Variants in RAB38 observed in about 807,000 individuals in gnomAD.
RAB38 encodes RAB38, member RAS oncogene family.
In RAB38, 15 loss-of-function variants were observed where a neutral mutation model predicts 18.4. That is an observed-to-expected ratio of 0.82 (90% CI 0.55 to 1.26). The LOEUF (loss-of-function observed/expected upper bound fraction) is 1.26. Among genes scored for constraint, RAB38 ranks in the 50% most tolerant of loss-of-function variants. RAB38 has a pLI of 0.00. For synonymous variants in RAB38, 101 were observed against 104.4 expected, an observed-to-expected ratio of 0.97 and a Z score of 0.20; for missense variants, 294 against 267.4, an observed-to-expected ratio of 1.10 and a Z score of -0.69.
At chr11:88,145,152 T>C (rs1942966400) in intron 2 of RAB38, among the ~76,000 whole-genome samples, 4 of 152,004 alleles carry the variant, frequency 2.6e-5, no homozygotes, top group Admixed American at 2.6e-4. Flanking sequence ...ATCTCTCTTT[T>C]TTTTTTTGTG....
the RAB38 span, among the ~76,000 whole-genome samples, chr11:87,970,963 G>C: frequency 6.6e-6 from 1 of 152,050 alleles, no homozygotes; most frequent in Non-Finnish European, 1.5e-5. Context: ...TCACTCTAGA[G>C]CTCTGGGATT....
intron 1 of RAB38, among the ~76,000 whole-genome samples, chr11:88,170,764 A>G (rs560587842): frequency 6.6e-6 from 1 of 152,336 alleles, no homozygotes; most frequent in Non-Finnish European, 1.5e-5. Flanking sequence ...TTTGTTATTT[A>G]GCAGAGCTCT....
At chr11:87,948,254 A>G in the RAB38 span, among the ~76,000 whole-genome samples, 1 of 152,192 alleles carries the variant, frequency 6.6e-6, no homozygotes, top group Admixed American at 6.5e-5. Context: ...TTGTATCCTG[A>G]GACTTTGCTG....
the RAB38 span, among the ~76,000 whole-genome samples, chr11:87,847,973 A>G: frequency 2.6e-5 from 4 of 152,128 alleles, no homozygotes; most frequent in Admixed American, 6.6e-5. Flanking sequence ...ATAACTTTCC[A>G]AACATCAAGG....
the RAB38 span, among the ~76,000 whole-genome samples, chr11:87,807,549 C>A: frequency 2.0e-5 from 3 of 152,078 alleles, no homozygotes. Flanking sequence ...ACCATGCTGA[C>A]TATTTTAACA....
the RAB38 span, among the ~76,000 whole-genome samples, chr11:87,947,087 C>T: frequency 2.0e-5 from 3 of 152,130 alleles, no homozygotes; most frequent in Non-Finnish European, 1.5e-5. Flanking sequence ...GCCATTCTAA[C>T]TGGTGTGAGA....
chr11:87,969,188 G>A, the RAB38 span, among the ~76,000 whole-genome samples: 2 of 152,006 alleles, frequency 1.3e-5, no homozygotes, highest in African/African-American at 4.8e-5. Flanking sequence ...AAATTATGAT[G>A]TAAGGGCCTT....
chr11:87,920,521 T>G, the RAB38 span, among the ~76,000 whole-genome samples: 1 of 152,118 alleles, frequency 6.6e-6, no homozygotes, highest in Non-Finnish European at 1.5e-5. Flanking sequence ...GATTTCAATC[T>G]TCTTCAATTT....
chr11:87,905,465 T>G, the RAB38 span, among the ~76,000 whole-genome samples: 16 of 151,886 alleles, frequency 1.1e-4, no homozygotes, highest in Non-Finnish European at 2.9e-5. Context: ...TTCCTCTTAT[T>G]TAAAGAAGAT....
chr11:87,897,996 T>C, the RAB38 span, among the ~76,000 whole-genome samples: 1 of 151,584 alleles, frequency 6.6e-6, no homozygotes, highest in African/African-American at 2.4e-5. Flanking sequence ...TCTATAAATA[T>C]CTATTTTTCA....
intron 1 of RAB38, among the ~76,000 whole-genome samples, chr11:88,169,434 C>G (rs1943282773): frequency 6.6e-6 from 1 of 152,138 alleles, no homozygotes; most frequent in Admixed American, 6.6e-5. Context: ...TTCACACAAA[C>G]TTTGTTATGC....
At chr11:88,161,885 T>A (rs1402889443) in intron 1 of RAB38, among the ~76,000 whole-genome samples, 1 of 152,048 alleles carries the variant, frequency 6.6e-6, no homozygotes, top group South Asian at 2.1e-4. Flanking sequence ...TGTGTTGGGG[T>A]CACAGAACCA....
At chr11:88,084,324 TAA>T in the RAB38 span, among the ~76,000 whole-genome samples, 1 of 150,754 alleles carries the variant, frequency 6.6e-6, no homozygotes, top group Non-Finnish European at 1.5e-5. Context: ...AAAAAAAAAG[TAA>T]AGTTATGAGG....
the RAB38 span, among the ~76,000 whole-genome samples, chr11:87,955,653 T>TTATATCTATCAATCA: frequency 6.6e-6 from 1 of 151,726 alleles, no homozygotes; most frequent in Non-Finnish European, 1.5e-5. Context: ...CATTTAGCTC[T>TTATATCTATCAATCA]TATATCTATC....
the RAB38 span, among the ~76,000 whole-genome samples, chr11:88,027,979 C>A: frequency 6.6e-6 from 1 of 152,224 alleles, no homozygotes; most frequent in Non-Finnish European, 1.5e-5. Flanking sequence ...AGGCACCCCC[C>A]AGCAGGGGCA....
chr11:87,965,870 A>C, the RAB38 span, among the ~76,000 whole-genome samples: 200 of 152,318 alleles, frequency 1.3e-3, no homozygotes, highest in Admixed American at 4.1e-3. Context: ...AGTTTAAGGC[A>C]GCTTTGACCT....
At chr11:88,124,301 G>T (rs1942665592) in intron 2 of RAB38, among the ~76,000 whole-genome samples, 1 of 152,152 alleles carries the variant, frequency 6.6e-6, no homozygotes, top group African/African-American at 2.4e-5. Flanking sequence ...AAGAGCTTCT[G>T]CACAGCAAAA....
intron 1 of RAB38, chr11:88,173,499 C>T: frequency 1.0e-6 from 1 of 981,124 alleles, no homozygotes; most frequent in Non-Finnish European, 1.2e-6. Flanking sequence ...TCACTGTACC[C>T]TTCCATCTCT....
chr11:88,040,589 C>T, the RAB38 span, among the ~76,000 whole-genome samples: 2 of 152,120 alleles, frequency 1.3e-5, no homozygotes, highest in African/African-American at 2.4e-5. Context: ...CCTGTAGTCC[C>T]GCATAGTCCA....
Sources: gnomAD v4.1 joint callset for allele counts (sites outside exome capture counted in the v4.1 genomes callset) on GRCh38, gnomAD v4.1.1 for gene constraint, MANE v1.5 for transcripts, NCBI Gene and HGNC (gene_info 2026-07-23, HGNC 2026-07-21) for gene names.